The following REPS1 variants were observed in gnomAD, a reference collection of about 807,000 sequenced individuals.
The protein encoded by REPS1 is RALBP1 associated Eps domain containing 1, also known as ralBP1-associated Eps domain-containing protein 1.
In REPS1, 39 loss-of-function variants were observed where a neutral mutation model predicts 100.9. That is an observed-to-expected ratio of 0.39 (90% CI 0.30 to 0.50). The LOEUF (loss-of-function observed/expected upper bound fraction) is 0.50, where lower values mean the gene tolerates loss of function less well. Ranked by LOEUF, REPS1 falls within the 20% of genes least tolerant of loss-of-function variation. The probability of loss-of-function intolerance (pLI) is 0.86; values close to 1 mark genes in which losing one functional copy is unlikely to be tolerated. For missense variants in REPS1, 821 were observed against 968.5 expected (o/e 0.85, Z 2.02); for synonymous variants, 324 against 340.3 (o/e 0.95, Z 0.53).
At chr6:138,957,215 A>C (rs183293830) in intron 1 of REPS1, among the ~76,000 whole-genome samples, 1 of 152,286 alleles carries the variant, frequency 6.6e-6, no homozygotes, top group East Asian at 1.9e-4. Context: ...AAAATTCCTA[A>C]ACACATTACT....
chr6:138,923,260 A>G (rs1780898556), intron 10 of REPS1, among the ~76,000 whole-genome samples: 1 of 152,214 alleles, frequency 6.6e-6, no homozygotes, highest in Non-Finnish European at 1.5e-5. Flanking sequence ...TTTACATTTA[A>G]TACCAGAAAT....
Position 138,921,041 on chromosome 6 carries a change from G to A in REPS1, c.1422C>T (p.Gly474=), listed in dbSNP as rs552952831. 7 of 1,609,456 alleles carry A rather than the reference G, an allele frequency of 4.3e-6. No individual in the cohort carries two copies. The Admixed American group carries it at 1.2e-4, about 27-fold the overall frequency. ...HMQEMELKRT[G]SDHTNPTSPL... is the part of the protein sequence containing the mutation. Reference sequence around the variant, plus strand: ...AACCAGCAACAGCTTCCTTACCGCTGCCAGTTCTTTTAAGTTCCATTTCCT... The same window carrying A: ...AACCAGCAACAGCTTCCTTACCGCTACCAGTTCTTTTAAGTTCCATTTCCT... Residue 474 remains glycine (G), a synonymous_variant, in exon 11 of 20, where the codon GGC becomes GGT. Coordinates refer to ENST00000450536, the MANE Select transcript of REPS1 (RefSeq NM_001286611.2).
At chr6:138,932,768 C>T (rs554320702) in intron 8 of REPS1, among the ~76,000 whole-genome samples, 12 of 152,224 alleles carry the variant, frequency 7.9e-5, no homozygotes, top group Admixed American at 4.6e-4. Context: ...GGGTATCGCG[C>T]GGGCATTTTT....
chr6:138,936,233 C>T (rs1245040046), intron 8 of REPS1, among the ~76,000 whole-genome samples: 1 of 152,056 alleles, frequency 6.6e-6, no homozygotes, highest in Non-Finnish European at 1.5e-5. Flanking sequence ...CGCTTTGTCA[C>T]CCAGGCTAAA....
chr6:138,935,222 T>C (rs1001522068), intron 8 of REPS1, among the ~76,000 whole-genome samples: 1 of 151,776 alleles, frequency 6.6e-6, no homozygotes, highest in African/African-American at 2.4e-5. Flanking sequence ...ACCAAAGGTT[T>C]AAAAAAATCA....
Position 138,945,547 on chromosome 6 carries a change from G to T in REPS1, c.428C>A (p.Ser143Tyr). The T allele has an allele frequency of 6.2e-7, 1 of 1,611,688 alleles. No homozygotes were observed. The highest frequency in any genetic ancestry group is 8.5e-7 in the Non-Finnish European group (1 of 1,179,294). ...AGGCTGAACCGTATCATGGCTTACG[G>T]ATCCCTTTTTCACTTGCCCCCTGCC... ...PPGRGQVKKG[S>Y]VSHDTVQPRT... The change falls in exon 3 of 20, where the codon TCC becomes TAC. Residue 143 changes from serine to tyrosine, a missense_variant. By Grantham distance (144) the Ser-to-Tyr change is moderately radical. Transcript: ENST00000450536.
At chr6:138,987,425 G>C in intron 1 of REPS1, 105 bp downstream of exon 1, 2 of 1,234,172 alleles carry the variant, frequency 1.6e-6, no homozygotes, top group Non-Finnish European at 2.2e-6. Context: ...ACCCCCCGAG[G>C]AACCAGCCCC....
At chr6:138,940,042 G>T (rs1782123196) in intron 8 of REPS1, among the ~76,000 whole-genome samples, 1 of 152,196 alleles carries the variant, frequency 6.6e-6, no homozygotes, top group South Asian at 2.1e-4. Flanking sequence ...GAAAAATACA[G>T]TAAATGATTA....
intron 10 of REPS1, 75 bp downstream of exon 10, chr6:138,926,326 G>C: frequency 9.0e-7 from 1 of 1,115,476 alleles, no homozygotes; most frequent in African/African-American, 1.5e-5. Context: ...ATGCATATCA[G>C]CTAAAAACGA....
rs1779520328 is a variant in REPS1 at position 138,904,596 on chromosome 6, A to AT, written c.*467_*468insA. The AT allele has an allele frequency of 6.6e-6, 1 of 152,494 alleles. No homozygotes were observed. Among genetic ancestry groups the AT allele is most frequent in the Non-Finnish European group, 1.5e-5 (1 of 68,238 alleles). 9.4% of individuals were successfully genotyped at this position (152,494 alleles called of 1,614,324 possible). On this transcript the variant is annotated 3_prime_UTR_variant, in exon 20 of 20. Coordinates refer to ENST00000450536, the MANE Select transcript of REPS1 (RefSeq NM_001286611.2). ...GCAGAGAGTAAATTAGCTTATGGTG[A>AT]AAACCACCTTATCCAATATAATTCT... is the stretch of plus-strand genomic sequence containing the variant.
chr6:138,979,845 A>C (rs1243618348), intron 1 of REPS1, among the ~76,000 whole-genome samples: 4 of 152,050 alleles, frequency 2.6e-5, no homozygotes, highest in Non-Finnish European at 4.4e-5. Context: ...CTTTTCTTCA[A>C]TTATTTCATT....
intron 1 of REPS1, among the ~76,000 whole-genome samples, chr6:138,975,897 C>T (rs961774170): frequency 6.6e-6 from 1 of 152,054 alleles, no homozygotes; most frequent in African/African-American, 2.4e-5. Context: ...GAAATGAAAT[C>T]TCAAGAGAGG....
At chr6:138,924,303 T>C (rs571462441) in intron 10 of REPS1, among the ~76,000 whole-genome samples, 86 of 152,316 alleles carry the variant, frequency 5.6e-4, no homozygotes, top group African/African-American at 2.0e-3. Flanking sequence ...TGCAAATTAA[T>C]CACTCTATTT....
At chr6:138,909,936 T>C (rs1779898612) in intron 17 of REPS1, among the ~76,000 whole-genome samples, 1 of 152,134 alleles carries the variant, frequency 6.6e-6, no homozygotes, top group South Asian at 2.1e-4. Flanking sequence ...ATTGGGAATG[T>C]CTAGATAACA....
intron 10 of REPS1, among the ~76,000 whole-genome samples, chr6:138,922,511 T>C (rs1780844157): frequency 6.6e-6 from 1 of 151,890 alleles, no homozygotes; most frequent in Non-Finnish European, 1.5e-5. Flanking sequence ...AAAGAAAGGA[T>C]GAGAGAATGA....
chr6:138,941,285 A>C, intron 8 of REPS1, 50 bp downstream of exon 8: 2 of 1,586,816 alleles, frequency 1.3e-6, no homozygotes, highest in Non-Finnish European at 1.7e-6. Flanking sequence ...AGAATCAAGC[A>C]TTATGTTTAT....
At chr6:138,969,628 G>A (rs1054226488) in intron 1 of REPS1, among the ~76,000 whole-genome samples, 2 of 151,938 alleles carry the variant, frequency 1.3e-5, no homozygotes, top group African/African-American at 4.8e-5. Flanking sequence ...GGCAACCTGA[G>A]CACAAGCTTT....
At chr6:138,906,098 G>A (rs1167140392) in intron 19 of REPS1, among the ~76,000 whole-genome samples, 1 of 152,168 alleles carries the variant, frequency 6.6e-6, no homozygotes, top group Non-Finnish European at 1.5e-5. Context: ...AGAAAAACAT[G>A]CATTAACAAA....
At position 138,907,516 on chromosome 6, in the gene REPS1, G is replaced by A. The variant is rs760404130; in HGVS notation, c.2301C>T (p.Ser767=). The A allele has an allele frequency of 4.4e-5, 71 of 1,611,084 alleles. No individual in the cohort carries two copies. The highest frequency in any genetic ancestry group is 2.2e-4 in the East Asian group (10 of 44,836). ...TTACCTTTAATTGTTGCTGCAATTC[G>A]CTATTCAATCTGGCCAAAACGGTGT... The part of the protein sequence containing the change: ...ETNTVLARLN[S]ELQQQLKDVL... Residue 767 remains serine (S), a synonymous_variant, in exon 19 of 20, where the codon AGC becomes AGT. Transcript: ENST00000450536.
Sources: allele counts gnomAD v4.1 joint callset (sites outside exome capture counted in the v4.1 genomes callset), GRCh38; gene constraint gnomAD v4.1.1; transcripts MANE v1.5; gene names NCBI Gene and HGNC (gene_info 2026-07-23, HGNC 2026-07-21).